The following LMX1B variants were observed in gnomAD, a reference collection of about 807,000 sequenced individuals.
The protein encoded by LMX1B is LIM homeobox transcription factor 1-beta.
In LMX1B, 12 loss-of-function variants were observed where a neutral mutation model predicts 51.4. The ratio of observed to expected loss-of-function variants is 0.23; its 90% CI spans 0.15 to 0.38. LMX1B has a LOEUF of 0.38. Ranked by LOEUF, LMX1B falls within the 10% of genes least tolerant of loss-of-function variation. The pLI is 1.00. For missense variants in LMX1B, 445 were observed against 571.1 expected (o/e 0.78, Z 2.25); for synonymous variants, 237 against 235.4 (o/e 1.01, Z -0.06).
rs980541013 is a variant in LMX1B at position 126,693,045 on chromosome 9, A to G, written c.560-97A>G. ...GCCACGGCAGGTGTCAACAGAGGGG[A>G]CAGGCTCCCATCGGGCAGCAGGTTG... is the stretch of plus-strand genomic sequence containing the variant. On this transcript the variant is annotated intron_variant, in intron 3 of 7. Transcript: ENST00000373474. The G allele has an allele frequency of 1.9e-5, 25 of 1,292,794 alleles. 1 individual carries two copies. The highest frequency in any genetic ancestry group is 2.7e-5 in the Non-Finnish European group (25 of 933,362). 80.1% of individuals were successfully genotyped at this position (1,292,794 alleles called of 1,614,324 possible).
At chr9:126,688,510 G>A (rs1427568842) in intron 2 of LMX1B, among the ~76,000 whole-genome samples, 1 of 152,216 alleles carries the variant, frequency 6.6e-6, no homozygotes, top group African/African-American at 2.4e-5. Flanking sequence ...GGAGTGTGGG[G>A]AGGGGACAGA....
At chr9:126,668,038 G>A (rs942207570) in intron 2 of LMX1B, among the ~76,000 whole-genome samples, 1 of 152,202 alleles carries the variant, frequency 6.6e-6, no homozygotes, top group African/African-American at 2.4e-5. Flanking sequence ...GACAGAGCAG[G>A]GCTGGCCAGG....
chr9:126,652,298 G>T (rs572977653), intron 2 of LMX1B, among the ~76,000 whole-genome samples: 116 of 149,264 alleles, frequency 7.8e-4, no homozygotes, highest in East Asian at 5.2e-3. Context: ...GGAGGAGAAG[G>T]GGGGGGGGAT....
rs1270498286 is a variant in LMX1B at position 126,614,442 on chromosome 9, C to A, written c.-8C>A. On this transcript the variant is annotated 5_prime_UTR_variant, in exon 1 of 8. Coordinates refer to ENST00000373474, the MANE Select transcript of LMX1B (RefSeq NM_001174147.2). ...GGCCGGCGGGGTCCGCAGCGCGCCCCGCGTCCCATGGATATAGCAACAGGT... is the reference window on the plus strand; with the variant it reads ...GGCCGGCGGGGTCCGCAGCGCGCCCAGCGTCCCATGGATATAGCAACAGGT... The A allele has an allele frequency of 6.0e-6, 9 of 1,496,126 alleles. No individual in the cohort carries two copies. In the Admixed American group the frequency reaches 1.3e-4, roughly 22 times the overall value. 92.7% of individuals were successfully genotyped at this position (1,496,126 alleles called of 1,614,324 possible). A position where few individuals can be genotyped will look rare whatever the true frequency, so the allele number is the denominator to read the frequency against.
chr9:126,651,890 G>T (rs4144233), intron 2 of LMX1B, among the ~76,000 whole-genome samples: 82,428 of 151,820 alleles, frequency 0.54, 22,988 homozygotes, highest in East Asian at 0.83. Context: ...CAAGCCAGGG[G>T]CCTAGGTGGA....
Position 126,615,858 on chromosome 9 carries a change from G to C in LMX1B, c.326+289G>C, listed in dbSNP as rs1404737211. Among the ~76,000 whole-genome samples the C allele has an allele frequency of 2.6e-5, 4 of 152,232 alleles. No individual in the cohort carries two copies. Among genetic ancestry groups the C allele is most frequent in the Non-Finnish European group, 5.9e-5 (4 of 68,042 alleles). On this transcript the variant is annotated intron_variant, in intron 2 of 7. Transcript: ENST00000373474. This position sits in a 1 kb window ranked among gnomAD's most constrained non-coding sequence, Gnocchi z 6.0. The stretch of plus-strand genomic sequence containing the variant: ...TTTGGTGCCTGGGTCCTGGGATATA[G>C]GGTCTGGCGCTACGGAGGCCTGAAT...
chr9:126,653,328 T>A (rs1016133886), intron 2 of LMX1B, among the ~76,000 whole-genome samples: 8 of 151,874 alleles, frequency 5.3e-5, no homozygotes, highest in Non-Finnish European at 7.4e-5. Flanking sequence ...TAATTTTTTG[T>A]ATTTTTTTGT....
chr9:126,693,609 G>T lies in LMX1B; in HGVS notation c.819+8G>T. On this transcript the variant is annotated splice_region_variant and intron_variant, in intron 5 of 7. Transcript: ENST00000373474. The stretch of plus-strand genomic sequence containing the variant: ...CAGAACCAAAGAGCAAAGGTAAGAG[G>T]CCACCCCCCATCCCCACTGGCCCCG... 1 of 1,614,000 alleles carries T rather than the reference G, an allele frequency of 6.2e-7. No individual in the cohort carries two copies. The highest frequency in any genetic ancestry group is 8.5e-7 in the Non-Finnish European group (1 of 1,179,866).
At chr9:126,617,939 T>C (rs927281084) in intron 2 of LMX1B, among the ~76,000 whole-genome samples, 4 of 149,348 alleles carry the variant, frequency 2.7e-5, no homozygotes, top group Non-Finnish European at 6.0e-5. Flanking sequence ...GTGATTGTTA[T>C]CAGGACAAAT....
chr9:126,644,664 G>A (rs984020543), intron 2 of LMX1B, among the ~76,000 whole-genome samples: 2 of 152,162 alleles, frequency 1.3e-5, no homozygotes, highest in Admixed American at 6.5e-5. Context: ...TTTGCCCTCT[G>A]GCTCAGCCGA....
chr9:126,650,950 C>T (rs1486818523), intron 2 of LMX1B, among the ~76,000 whole-genome samples: 1 of 152,156 alleles, frequency 6.6e-6, no homozygotes, highest in Non-Finnish European at 1.5e-5. Flanking sequence ...TGTCATGTAG[C>T]CAATTTAGAT....
chr9:126,656,759 C>T (rs1051795925), intron 2 of LMX1B, among the ~76,000 whole-genome samples: 2 of 152,094 alleles, frequency 1.3e-5, no homozygotes, highest in Non-Finnish European at 2.9e-5. Flanking sequence ...TCAGCTCATG[C>T]TTTGTTGTGG....
At chr9:126,686,185 CAGG>C (rs2118977416) in intron 2 of LMX1B, among the ~76,000 whole-genome samples, 2 of 149,526 alleles carry the variant, frequency 1.3e-5, no homozygotes, top group East Asian at 4.0e-4. Flanking sequence ...GAGGCTGAGG[CAGG>C]AGAACAGCGT....
At chr9:126,642,028 G>A (rs1395599816) in intron 2 of LMX1B, among the ~76,000 whole-genome samples, 5 of 151,988 alleles carry the variant, frequency 3.3e-5, no homozygotes, top group African/African-American at 9.7e-5. Context: ...CAACCCCTTC[G>A]AAGCCCCCAC....
chr9:126,621,210 C>T (rs958418518), intron 2 of LMX1B, among the ~76,000 whole-genome samples: 2 of 152,188 alleles, frequency 1.3e-5, no homozygotes, highest in Non-Finnish European at 2.9e-5. Context: ...TGTTGGACAC[C>T]ACAGTCAAGC....
rs1277573824 is a variant in LMX1B, at chr9:126,625,221, T to C, written c.326+9652T>C. Among the ~76,000 whole-genome samples the C allele has an allele frequency of 6.6e-6, 1 of 152,236 alleles. No homozygotes were observed. Among genetic ancestry groups the C allele is most frequent in the Non-Finnish European group, 1.5e-5 (1 of 68,040 alleles). ...CGGCCCTGTAGCCCCCTGACGCTTT[T>C]CGTTTCCGAGCGCGCTTGGGCCTCA... On this transcript the variant is annotated intron_variant, in intron 2 of 7. Transcript: ENST00000373474. This position sits in a 1 kb window ranked among gnomAD's most constrained non-coding sequence, Gnocchi z 5.3.
At chr9:126,645,438 AG>A (rs1444499017) in intron 2 of LMX1B, among the ~76,000 whole-genome samples, 1 of 152,224 alleles carries the variant, frequency 6.6e-6, no homozygotes, top group African/African-American at 2.4e-5. Flanking sequence ...GGCAGGGAGC[AG>A]GGCCATCTCT....
At chr9:126,621,638 T>C (rs907756808) in intron 2 of LMX1B, among the ~76,000 whole-genome samples, 3 of 126,110 alleles carry the variant, frequency 2.4e-5, no homozygotes, top group Admixed American at 8.8e-5. Context: ...TATAGGGTTT[T>C]TCTCTCTCTC....
chr9:126,641,696 C>T lies in LMX1B; in HGVS notation c.326+26127C>T, dbSNP rs1351581376. ...CTTGCTGAGCTGCACTGGGGAGGCT[C>T]TTTCTTCAAGGGGACTCTCTTCTCC... On this transcript the variant is annotated intron_variant, in intron 2 of 7. Coordinates refer to ENST00000373474, the MANE Select transcript of LMX1B (RefSeq NM_001174147.2). The surrounding 1 kb of genome is among the most constrained non-coding windows in gnomAD (Gnocchi z 4.1). Among the ~76,000 whole-genome samples, 1 of 152,164 alleles carries T rather than the reference C, an allele frequency of 6.6e-6. No individual in the cohort carries two copies. The highest frequency in any genetic ancestry group is 1.5e-5 in the Non-Finnish European group (1 of 68,026).
Sources: gnomAD v4.1 joint callset for allele counts (sites outside exome capture counted in the v4.1 genomes callset) on GRCh38, gnomAD v4.1.1 for gene constraint, Gnocchi (gnomAD v3.1) non-coding constraint, MANE v1.5 for transcripts, NCBI Gene and HGNC (gene_info 2026-07-23, HGNC 2026-07-21) for gene names.